Variants in ZNF521 observed in about 807,000 individuals in gnomAD.
The protein encoded by ZNF521 is zinc finger protein 521, also known as LYST-interacting protein 3.
In ZNF521, 14 loss-of-function variants were observed where a neutral mutation model predicts 105.5. The ratio of observed to expected loss-of-function variants is 0.13; its 90% CI spans 0.09 to 0.21. The LOEUF is 0.21. Among genes scored for constraint, ZNF521 ranks in the 10% least tolerant of loss-of-function variants. The probability of loss-of-function intolerance (pLI) is 1.00; values close to 1 mark genes in which losing one functional copy is unlikely to be tolerated. For synonymous variants in ZNF521, 635 were observed against 606.0 expected (o/e 1.05, Z -0.70); for missense variants, 1,233 against 1,629.7 (o/e 0.76, Z 4.19).
intron 4 of ZNF521, among the ~76,000 whole-genome samples, chr18:25,209,166 C>T (rs192023527): frequency 1.3e-5 from 2 of 152,050 alleles, no homozygotes; most frequent in African/African-American, 4.8e-5. Context: ...GCATCTCGCT[C>T]TGTCACCCAG....
intron 5 of ZNF521, among the ~76,000 whole-genome samples, chr18:25,121,080 C>T (rs1000641280): frequency 6.7e-6 from 1 of 149,404 alleles, no homozygotes; most frequent in Admixed American, 6.7e-5. Context: ...TCCTTAACCC[C>T]TAAAAAATAG....
chr18:25,076,517 CT>C (rs1399675979), intron 7 of ZNF521, among the ~76,000 whole-genome samples: 1 of 152,120 alleles, frequency 6.6e-6, no homozygotes, highest in Admixed American at 6.6e-5. Flanking sequence ...GTGCTGGAAG[CT>C]TTTTATATCC....
chr18:25,123,624 A>G (rs985598011), intron 5 of ZNF521, among the ~76,000 whole-genome samples: 1 of 152,120 alleles, frequency 6.6e-6, no homozygotes, highest in Non-Finnish European at 1.5e-5. Flanking sequence ...TGCAGAGGGA[A>G]GGGAGGGAGA....
chr18:25,108,072 C>A (rs922326570), intron 5 of ZNF521, among the ~76,000 whole-genome samples: 8 of 152,180 alleles, frequency 5.3e-5, no homozygotes, highest in Middle Eastern at 3.2e-3. Flanking sequence ...CACAGGAATG[C>A]ATATTAACAC....
intron 2 of ZNF521, among the ~76,000 whole-genome samples, chr18:25,332,193 G>A (rs975420845): frequency 6.6e-6 from 1 of 151,570 alleles, no homozygotes; most frequent in African/African-American, 2.4e-5. Flanking sequence ...AAGTGGAAAA[G>A]TCTACATTTG....
intron 3 of ZNF521, among the ~76,000 whole-genome samples, chr18:25,317,265 T>TA (rs200738659): frequency 0.015 from 2,305 of 152,232 alleles, 63 homozygotes; most frequent in African/African-American, 0.052. Context: ...ACCAGTTTTT[T>TA]AAAAAATGTA....
intron 5 of ZNF521, among the ~76,000 whole-genome samples, chr18:25,163,813 G>A (rs1258999741): frequency 6.6e-6 from 1 of 152,168 alleles, no homozygotes; most frequent in African/African-American, 2.4e-5. Flanking sequence ...CAGTGTGTGT[G>A]GGATGGTAGG....
At chr18:25,290,490 C>A (rs990584530) in intron 3 of ZNF521, among the ~76,000 whole-genome samples, 2 of 151,960 alleles carry the variant, frequency 1.3e-5, no homozygotes, top group African/African-American at 4.8e-5. Flanking sequence ...GTACTGACTG[C>A]AAATGAGTAG....
intron 5 of ZNF521, among the ~76,000 whole-genome samples, chr18:25,132,269 T>A (rs2034654567): frequency 1.3e-5 from 2 of 152,210 alleles, no homozygotes; most frequent in Admixed American, 1.3e-4. Context: ...ACCTACTGTA[T>A]CTTCTAAGCA....
chr18:25,218,992 C>G (rs911027073), intron 4 of ZNF521, among the ~76,000 whole-genome samples: 1 of 152,142 alleles, frequency 6.6e-6, no homozygotes, highest in Admixed American at 6.5e-5. Context: ...GCAGCCTACG[C>G]AACTTGAAGA....
intron 3 of ZNF521, among the ~76,000 whole-genome samples, chr18:25,231,832 T>A (rs1161165231): frequency 6.6e-6 from 1 of 152,206 alleles, no homozygotes; most frequent in Non-Finnish European, 1.5e-5. Flanking sequence ...GAAGATTGAT[T>A]CCAACACTAG....
chr18:25,234,355 T>C (rs78297905), intron 3 of ZNF521, among the ~76,000 whole-genome samples: 102 of 152,328 alleles, frequency 6.7e-4, no homozygotes, highest in Non-Finnish European at 1.4e-3. Flanking sequence ...TATTTTGAGT[T>C]AGAAGGCATT....
At chr18:25,306,371 T>C (rs973795998) in intron 3 of ZNF521, among the ~76,000 whole-genome samples, 1 of 152,182 alleles carries the variant, frequency 6.6e-6, no homozygotes, top group Non-Finnish European at 1.5e-5. Context: ...TAAAATTAAA[T>C]TTGTCTGGTA....
intron 4 of ZNF521, among the ~76,000 whole-genome samples, chr18:25,221,602 T>G (rs1464626291): frequency 6.6e-6 from 1 of 152,206 alleles, no homozygotes; most frequent in Non-Finnish European, 1.5e-5. Flanking sequence ...ACCACCTATG[T>G]TGCTAAGTCC....
chr18:25,078,872 G>A (rs921193526), intron 7 of ZNF521, among the ~76,000 whole-genome samples: 1 of 152,226 alleles, frequency 6.6e-6, no homozygotes, highest in Non-Finnish European at 1.5e-5. Flanking sequence ...GAAAGTGGGA[G>A]TGCAGAGGGC....
intron 5 of ZNF521, among the ~76,000 whole-genome samples, chr18:25,145,278 T>C (rs767339325): frequency 1.3e-5 from 2 of 152,172 alleles, no homozygotes; most frequent in African/African-American, 2.4e-5. Context: ...CCCCTCTTTA[T>C]TGACATCCCT....
intron 4 of ZNF521, among the ~76,000 whole-genome samples, chr18:25,212,755 T>C (rs1467606929): frequency 6.6e-6 from 1 of 151,116 alleles, no homozygotes. Context: ...ATTTTTTCCA[T>C]AAATGTCTTA....
At chr18:25,166,536 T>C (rs76553890) in intron 5 of ZNF521, among the ~76,000 whole-genome samples, 4,743 of 152,316 alleles carry the variant, frequency 0.031, 96 homozygotes, top group Non-Finnish European at 0.046. Context: ...AAGACACATA[T>C]GCACACATTA....
At chr18:25,274,397 A>G (rs1267745652) in intron 3 of ZNF521, among the ~76,000 whole-genome samples, 2 of 152,220 alleles carry the variant, frequency 1.3e-5, no homozygotes, top group African/African-American at 2.4e-5. Flanking sequence ...GAGTCAGCTG[A>G]CTATCAGGTA....
Sources: gnomAD v4.1 joint callset for allele counts (sites outside exome capture counted in the v4.1 genomes callset) on GRCh38, gnomAD v4.1.1 for gene constraint, MANE v1.5 for transcripts, NCBI Gene and HGNC (gene_info 2026-07-23, HGNC 2026-07-21) for gene names.